ENTPD5: variants seen among roughly 807,000 people sequenced by gnomAD.
The protein encoded by ENTPD5 is ectonucleoside triphosphate diphosphohydrolase 5 (inactive).
In ENTPD5, 49 loss-of-function variants were observed where a neutral mutation model predicts 60.2. The ratio of observed to expected loss-of-function variants is 0.81; its 90% CI spans 0.65 to 1.03. ENTPD5 has a LOEUF of 1.03. Ranked by LOEUF, ENTPD5 falls within the 50% of genes least tolerant of loss-of-function variation. The pLI is 0.00. For synonymous variants in ENTPD5, 187 were observed against 185.4 expected, an observed-to-expected ratio of 1.01 and a Z score of -0.07; for missense variants, 480 against 507.6, an observed-to-expected ratio of 0.95 and a Z score of 0.52.
intron 6 of ENTPD5, 31 bp from the exon 7 acceptor site, chr14:73,977,405 ATTCCC>A: frequency 3.7e-6 from 5 of 1,354,486 alleles, no homozygotes; most frequent in Non-Finnish European, 5.2e-6. Flanking sequence ...AAAAAAAAGA[ATTCCC>A]TAAGGCAATA....
At chr14:73,976,129 C>T (rs1038949992) in intron 9 of ENTPD5, 114 bp from the exon 10 acceptor site, 6 of 920,132 alleles carry the variant, frequency 6.5e-6, no homozygotes, top group Non-Finnish European at 1.0e-5. Context: ...GATTAAGGGG[C>T]TAATCTCACT....
chr14:73,971,994 T>G (rs2057247935), intron 13 of ENTPD5, 86 bp from the exon 14 acceptor site: 1 of 813,408 alleles, frequency 1.2e-6, no homozygotes, highest in Non-Finnish European at 2.2e-6. Flanking sequence ...TATATACACA[T>G]GTACATAATG....
At chr14:73,959,735 A>G, downstream of ENTPD5, 1 of 1,158,272 alleles carries the variant, frequency 8.6e-7, no homozygotes, top group Non-Finnish European at 1.2e-6. Flanking sequence ...ATGCCCAGCT[A>G]ATTTTTCTAT....
At chr14:74,015,124 GATA>G (rs996902255) in intron 2 of ENTPD5, among the ~76,000 whole-genome samples, 11 of 151,640 alleles carry the variant, frequency 7.3e-5, no homozygotes, top group African/African-American at 2.7e-4. Context: ...AAACAGTTTG[GATA>G]ATAATATATT....
At chr14:74,007,141 T>C (rs1051524161) in intron 3 of ENTPD5, among the ~76,000 whole-genome samples, 2 of 152,160 alleles carry the variant, frequency 1.3e-5, no homozygotes, top group Admixed American at 1.3e-4. Flanking sequence ...GGCACACACC[T>C]GTAGTCCCAG....
rs1300776586 is a variant in ENTPD5 at position 73,964,292 on chromosome 14, G to T, written c.*2636C>A. 6.6e-6 allele frequency: 1 copy of T among 152,120 alleles called. No individual in the cohort carries two copies. Among genetic ancestry groups the T allele is most frequent in the Non-Finnish European group, 1.5e-5 (1 of 68,030 alleles). The allele number at this position is 152,120 out of a possible 1,614,324, so 9.4% of individuals were successfully genotyped here. A position where few individuals can be genotyped will look rare whatever the true frequency, so the allele number is the denominator to read the frequency against. ...AATATGTTAACACATCTACAAAGAG[G>T]AAACTATTAGAATCTGTAGGACCTC... On this transcript the variant is annotated 3_prime_UTR_variant, in exon 16 of 16. Transcript: ENST00000334696.
At chr14:73,960,862 A>G, downstream of ENTPD5, 1 of 450,146 alleles carries the variant, frequency 2.2e-6, no homozygotes, top group Non-Finnish European at 4.1e-6. Flanking sequence ...AGAGTCATGG[A>G]GGTAGAAGGA....
rs765010338 is a variant in ENTPD5 at position 73,987,915 on chromosome 14, T to C, written c.188A>G (p.His63Arg). ...FDAGSTGTRI[H>R]VYTFVQKMPG... ...CATTTTCTGCACAAAGGTGTAAACA[T>C]GAATTCGAGTTCCAGTGCTCCCTGC... is the stretch of plus-strand genomic sequence containing the variant. The change falls in exon 4 of 16, where the codon CAT becomes CGT. Residue 63 changes from histidine (H) to arginine (R), a missense_variant. By Grantham distance (29) the His-to-Arg change is conservative. Transcript: ENST00000334696. 23 of 1,614,052 alleles carry C rather than the reference T, an allele frequency of 1.4e-5. 1 individual carries two copies. The Admixed American group carries it at 3.2e-4, about 22-fold the overall frequency.
At chr14:74,005,343 TGA>T (rs1019056701) in intron 3 of ENTPD5, among the ~76,000 whole-genome samples, 4 of 119,624 alleles carry the variant, frequency 3.3e-5, no homozygotes, top group Non-Finnish European at 6.9e-5. Context: ...CCTGCCTGGG[TGA>T]GAGAGCAAGA....
chr14:73,988,295 C>T, intron 3 of ENTPD5, 123 bp from the exon 4 acceptor site: 1 of 909,520 alleles, frequency 1.1e-6, no homozygotes. Flanking sequence ...GTACAACAAG[C>T]TAAACCAGGG....
At chr14:73,994,998 T>C (rs1051413403) in intron 3 of ENTPD5, among the ~76,000 whole-genome samples, 1 of 152,016 alleles carries the variant, frequency 6.6e-6, no homozygotes, top group Non-Finnish European at 1.5e-5. Context: ...TCATATTTCC[T>C]GTTTCCTGCC....
rs1014737100 is a variant in ENTPD5, at chr14:73,965,577, G to A, written c.*1351C>T. ...ATCTCTACTACAAATACAAAAATTAGCCAGGAATGGTGGTGGGCACCTGTA... is the reference window on the plus strand; with the variant it reads ...ATCTCTACTACAAATACAAAAATTAACCAGGAATGGTGGTGGGCACCTGTA... On this transcript the variant is annotated 3_prime_UTR_variant, in exon 16 of 16. Transcript: ENST00000334696. 6 of 152,134 alleles carry A rather than the reference G, an allele frequency of 3.9e-5. No individual in the cohort carries two copies. The highest frequency in any genetic ancestry group is 1.4e-4 in the African/African-American group (6 of 41,422). The allele number at this position is 152,134 out of a possible 1,614,324, so 9.4% of individuals were successfully genotyped here.
Position 73,973,903 on chromosome 14 carries a change from T to C in ENTPD5, c.860A>G (p.Lys287Arg), listed in dbSNP as rs774386599. The change falls in exon 12 of 16, where the codon AAA becomes AGA. Residue 287 changes from lysine to arginine, a missense_variant. Coordinates refer to ENST00000334696, the MANE Select transcript of ENTPD5 (RefSeq NM_001249.5). ...TTCTTGGTTGCCACCATACTGGTAT[T>C]TCACACCCCCAAAGATCCACTCTGC... Reference protein sequence around the residue: ...LEAEWIFGGVKYQYGGNQEGE... With the variant: ...LEAEWIFGGVRYQYGGNQEGE... The C allele has an allele frequency of 1.2e-6, 2 of 1,613,978 alleles. No homozygotes were observed. The highest frequency in any genetic ancestry group is 1.7e-5 in the Admixed American group (1 of 59,978).
chr14:74,015,590 C>T (rs901615900), intron 2 of ENTPD5, among the ~76,000 whole-genome samples: 3 of 151,916 alleles, frequency 2.0e-5, no homozygotes, highest in Admixed American at 2.0e-4. Flanking sequence ...TGGGCTTAAG[C>T]AATCCGTCTG....
intron 6 of ENTPD5, among the ~76,000 whole-genome samples, chr14:73,982,299 T>C (rs2057723938): frequency 6.6e-6 from 1 of 152,114 alleles, no homozygotes. Flanking sequence ...GGTCTCAAAC[T>C]CCTGACCTCA....
Position 73,993,441 on chromosome 14 carries a change from G to A in ENTPD5, c.-70-5269C>T, listed in dbSNP as rs79860918. Among the ~76,000 whole-genome samples the A allele has an allele frequency of 6.2e-3, 938 of 152,312 alleles. 4 individuals are homozygous for A. Among genetic ancestry groups the A allele is most frequent in the Middle Eastern group, 0.024 (7 of 294 alleles). On this transcript the variant is annotated intron_variant, in intron 3 of 15. Coordinates refer to ENST00000334696, the MANE Select transcript of ENTPD5 (RefSeq NM_001249.5). Reference sequence around the variant, plus strand: ...TTCAAGGCTGAACTTCTATCCTGTAGTTAAGAATAAGAGCTATTGGTTAGG... The same window carrying A: ...TTCAAGGCTGAACTTCTATCCTGTAATTAAGAATAAGAGCTATTGGTTAGG...
chr14:74,011,893 C>T (rs2058856901), intron 2 of ENTPD5, among the ~76,000 whole-genome samples: 1 of 152,096 alleles, frequency 6.6e-6, no homozygotes, highest in African/African-American at 2.4e-5. Flanking sequence ...CCTATACTCC[C>T]AGCACTTTGG....
chr14:73,983,778 C>T (rs2140591301), intron 5 of ENTPD5, among the ~76,000 whole-genome samples: 1 of 151,388 alleles, frequency 6.6e-6, no homozygotes, highest in East Asian at 2.0e-4. Context: ...GCAACCTCCA[C>T]CTCCCAGGTT....
At chr14:74,018,783 A>C (rs1464007033) in intron 1 of ENTPD5, 1 of 152,242 alleles carries the variant, frequency 6.6e-6, no homozygotes, top group East Asian at 1.9e-4. Context: ...GGAGGCTGGC[A>C]GCCTCGCCCT....
Sources: gnomAD v4.1 joint callset for allele counts (sites outside exome capture counted in the v4.1 genomes callset) on GRCh38, gnomAD v4.1.1 for gene constraint, MANE v1.5 for transcripts, NCBI Gene and HGNC (gene_info 2026-07-23, HGNC 2026-07-21) for gene names.